The following CDH13 variants were observed in gnomAD, a reference collection of about 807,000 sequenced individuals.
The protein encoded by CDH13 is cadherin 13.
In CDH13, 24 loss-of-function variants were observed where a neutral mutation model predicts 63.8. That is an observed-to-expected ratio of 0.38 (90% CI 0.27 to 0.53). The LOEUF (loss-of-function observed/expected upper bound fraction) is 0.53. CDH13 is among the 20% of genes least tolerant of loss of function. The probability of loss-of-function intolerance (pLI) is 0.85; values close to 1 mark genes in which losing one functional copy is unlikely to be tolerated. For missense variants in CDH13, 1,049 were observed against 903.1 expected (o/e 1.16, Z -2.07); for synonymous variants, 503 against 355.3 (o/e 1.42, Z -4.67).
At chr16:83,016,986 G>T (rs552383566) in intron 2 of CDH13, among the ~76,000 whole-genome samples, 1 of 152,168 alleles carries the variant, frequency 6.6e-6, no homozygotes, top group African/African-American at 2.4e-5. Context: ...CTTCGTAGTG[G>T]AATAGCAGGT....
At chr16:83,098,632 C>T (rs1323074323) in intron 3 of CDH13, among the ~76,000 whole-genome samples, 4 of 152,128 alleles carry the variant, frequency 2.6e-5, no homozygotes, top group Non-Finnish European at 5.9e-5. Flanking sequence ...ATACAGAATT[C>T]TGAGTTGACA....
intron 6 of CDH13, among the ~76,000 whole-genome samples, chr16:83,390,657 G>A (rs958056249): frequency 6.6e-6 from 1 of 152,060 alleles, no homozygotes; most frequent in Non-Finnish European, 1.5e-5. Flanking sequence ...CAACAGCCAT[G>A]GCCCGAGATC....
In CDH13 at chr16:82,824,303, C is replaced by T. The variant is rs568573377; in HGVS notation, c.46-34059C>T. On this transcript the variant is annotated intron_variant, in intron 1 of 13. Coordinates refer to ENST00000567109, the MANE Select transcript of CDH13 (RefSeq NM_001257.5). ...AGAAACCATCTCATTATTTTAGAAA[C>T]GGAAAGGAAAAAAAAACATAAACAA... 1.8e-4 allele frequency: 24 copies of T among 135,264 alleles called. No individual in the cohort carries two copies. In the South Asian group the frequency reaches 2.1e-3, roughly 12 times the overall value. 8.4% of individuals were successfully genotyped at this position (135,264 alleles called of 1,614,324 possible).
At chr16:82,731,768 T>C (rs1430032733) in intron 1 of CDH13, among the ~76,000 whole-genome samples, 3 of 152,226 alleles carry the variant, frequency 2.0e-5, no homozygotes, top group Non-Finnish European at 4.4e-5. Context: ...GAAAATTGTG[T>C]GTTTTATTAT....
intron 7 of CDH13, among the ~76,000 whole-genome samples, chr16:83,549,004 T>A (rs1025968776): frequency 1.3e-5 from 2 of 152,218 alleles, no homozygotes; most frequent in African/African-American, 4.8e-5. Context: ...TCCCCTCATC[T>A]GCATAATTTT....
intron 1 of CDH13, among the ~76,000 whole-genome samples, chr16:82,842,671 G>A (rs910859228): frequency 1.1e-4 from 17 of 151,976 alleles, no homozygotes; most frequent in South Asian, 6.2e-4. Context: ...AGGATTTGGG[G>A]ATGATTCAAG....
At chr16:83,424,027 A>G (rs539949909) in intron 6 of CDH13, among the ~76,000 whole-genome samples, 2 of 152,150 alleles carry the variant, frequency 1.3e-5, no homozygotes, top group African/African-American at 4.8e-5. Flanking sequence ...TGAACAGTCT[A>G]GAAGAGGGAA....
At chr16:83,564,616 C>T (rs1232912894) in intron 7 of CDH13, among the ~76,000 whole-genome samples, 1 of 152,092 alleles carries the variant, frequency 6.6e-6, no homozygotes, top group Non-Finnish European at 1.5e-5. Flanking sequence ...ACCATGTTGG[C>T]CAGGCTGGTC....
At chr16:82,670,088 G>A (rs3844417) in intron 1 of CDH13, among the ~76,000 whole-genome samples, 1 of 152,016 alleles carries the variant, frequency 6.6e-6, no homozygotes, top group African/African-American at 2.4e-5. Flanking sequence ...AGATTCTGCC[G>A]GGGTTTCTTG....
intron 5 of CDH13, among the ~76,000 whole-genome samples, chr16:83,306,492 C>T (rs1597711413): frequency 1.3e-5 from 2 of 152,182 alleles, no homozygotes; most frequent in South Asian, 2.1e-4. Context: ...GTTTCATTCC[C>T]TTGGCATGTG....
intron 1 of CDH13, among the ~76,000 whole-genome samples, chr16:82,638,835 T>TG (rs1435303274): frequency 2.0e-5 from 3 of 148,050 alleles, no homozygotes; most frequent in African/African-American, 4.9e-5. Context: ...CGTGTGTGCG[T>TG]TTGTGTGCAT....
intron 2 of CDH13, among the ~76,000 whole-genome samples, chr16:83,010,133 C>G (rs558115209): frequency 0.017 from 306 of 17,666 alleles, 9 homozygotes; most frequent in African/African-American, 0.096. Flanking sequence ...AAAACTCTGT[C>G]TCAAAAAAAA....
chr16:82,780,787 A>G (rs1032361453), intron 1 of CDH13, among the ~76,000 whole-genome samples: 1 of 152,188 alleles, frequency 6.6e-6, no homozygotes, highest in African/African-American at 2.4e-5. Context: ...TCATTGTTCT[A>G]TTGTTGTCTT....
intron 4 of CDH13, among the ~76,000 whole-genome samples, chr16:83,198,332 C>CAG (rs1194343543): frequency 4.6e-5 from 7 of 151,824 alleles, no homozygotes; most frequent in African/African-American, 1.7e-4. Flanking sequence ...TACACACACA[C>CAG]ACACACACAC....
intron 4 of CDH13, among the ~76,000 whole-genome samples, chr16:83,163,044 C>T (rs1567464235): frequency 6.6e-6 from 1 of 152,022 alleles, no homozygotes; most frequent in East Asian, 1.9e-4. Flanking sequence ...AGGTCTTTCC[C>T]ATGCTGTTCT....
At chr16:82,843,589 C>T (rs2039123548) in intron 1 of CDH13, among the ~76,000 whole-genome samples, 2 of 152,036 alleles carry the variant, frequency 1.3e-5, no homozygotes, top group South Asian at 2.1e-4. Context: ...AAAAGCTTAA[C>T]AAGATAGACA....
intron 6 of CDH13, among the ~76,000 whole-genome samples, chr16:83,424,745 G>T (rs993258445): frequency 6.6e-6 from 1 of 152,016 alleles, no homozygotes; most frequent in African/African-American, 2.4e-5. Context: ...TTTCTCTCTC[G>T]ACTGTAGTTA....
intron 1 of CDH13, among the ~76,000 whole-genome samples, chr16:82,641,014 C>T (rs1194527058): frequency 2.6e-5 from 4 of 152,076 alleles, no homozygotes; most frequent in East Asian, 1.9e-4. Flanking sequence ...CATAAGTGAG[C>T]GAGTGGGGAG....
intron 3 of CDH13, among the ~76,000 whole-genome samples, chr16:83,042,781 C>A (rs1319496472): frequency 6.6e-6 from 1 of 152,188 alleles, no homozygotes; most frequent in Admixed American, 6.5e-5. Context: ...GACATGGAAT[C>A]TGTTGACTTG....
Sources: allele counts gnomAD v4.1 joint callset (sites outside exome capture counted in the v4.1 genomes callset), GRCh38; gene constraint gnomAD v4.1.1; transcripts MANE v1.5; gene names NCBI Gene and HGNC (gene_info 2026-07-23, HGNC 2026-07-21).